Variants in ALCAM observed in about 807,000 individuals in gnomAD.
ALCAM encodes the protein activated leukocyte cell adhesion molecule.
A neutral mutation model predicts 70.9 loss-of-function variants in ALCAM; 30 were observed. The observed-to-expected ratio is 0.42, with a 90% CI of 0.32 to 0.57. The LOEUF is 0.57. ALCAM is among the 20% of genes least tolerant of loss of function. The probability of loss-of-function intolerance (pLI) is 0.11; values close to 1 mark genes in which losing one functional copy is unlikely to be tolerated. For missense variants in ALCAM, 591 were observed against 695.1 expected (o/e 0.85, Z 1.68); for synonymous variants, 249 against 242.5 (o/e 1.03, Z -0.25).
At chr3:105,383,389 G>T (rs1363053254) in intron 1 of ALCAM, among the ~76,000 whole-genome samples, 1 of 151,678 alleles carries the variant, frequency 6.6e-6, no homozygotes, top group East Asian at 1.9e-4. Flanking sequence ...GTCAAAATTA[G>T]ATTTCTTAGT....
chr3:105,493,949 GC>G (rs1452521219), intron 1 of ALCAM, among the ~76,000 whole-genome samples: 1 of 152,038 alleles, frequency 6.6e-6, no homozygotes, highest in Non-Finnish European at 1.5e-5. Flanking sequence ...ATTTTAAGTA[GC>G]TTTTCAAGCT....
intron 1 of ALCAM, among the ~76,000 whole-genome samples, chr3:105,456,997 A>G (rs563686481): frequency 6.6e-6 from 1 of 152,344 alleles, no homozygotes; most frequent in South Asian, 2.1e-4. Flanking sequence ...GATCATCATG[A>G]CTATTAATTA....
intron 14 of ALCAM, among the ~76,000 whole-genome samples, chr3:105,557,751 G>A (rs2030515): frequency 0.51 from 77,028 of 151,758 alleles, 21,091 homozygotes; most frequent in East Asian, 0.72. Flanking sequence ...AATGGTTGTC[G>A]TATTCACTAT....
intron 1 of ALCAM, among the ~76,000 whole-genome samples, chr3:105,515,236 G>T (rs1345427025): frequency 6.6e-6 from 1 of 151,930 alleles, no homozygotes. Flanking sequence ...CACTCTATCA[G>T]TAGAACTATG....
At chr3:105,571,347 A>C (rs1334120738) in intron 14 of ALCAM, among the ~76,000 whole-genome samples, 1 of 152,220 alleles carries the variant, frequency 6.6e-6, no homozygotes, top group East Asian at 1.9e-4. Flanking sequence ...GTTCTATCAT[A>C]AACTTGGTCT....
chr3:105,545,231 T>A lies in ALCAM; in HGVS notation c.1000T>A (p.Leu334Met). The A allele has an allele frequency of 6.2e-7, 1 of 1,605,288 alleles. No individual in the cohort carries two copies. Among genetic ancestry groups the A allele is most frequent in the Non-Finnish European group, 8.5e-7 (1 of 1,172,942 alleles). ...GATTTTCTGCTTCACAGATTTGGAT[T>A]TGTCCTTAAACCCAAGTGGAGAAGT... ...STAITVHYLD[L>M]SLNPSGEVTR... Residue 334 changes from leucine to methionine, a missense_variant, in exon 9 of 16, where the codon TTG becomes ATG. Transcript: ENST00000306107.
chr3:105,451,660 A>G (rs930919537), intron 1 of ALCAM, among the ~76,000 whole-genome samples: 1 of 152,246 alleles, frequency 6.6e-6, no homozygotes, highest in Non-Finnish European at 1.5e-5. Flanking sequence ...TGTTAGGAAC[A>G]TAACAATTGA....
intron 4 of ALCAM, among the ~76,000 whole-genome samples, chr3:105,533,268 G>A (rs925896864): frequency 6.6e-6 from 1 of 152,114 alleles, no homozygotes; most frequent in Non-Finnish European, 1.5e-5. Flanking sequence ...AATAGTCAGT[G>A]TTAATAGAGT....
chr3:105,457,392 G>A (rs1455349904), intron 1 of ALCAM, among the ~76,000 whole-genome samples: 1 of 151,928 alleles, frequency 6.6e-6, no homozygotes, highest in Non-Finnish European at 1.5e-5. Context: ...GAACACTCTG[G>A]GCCTATTAGA....
chr3:105,458,388 C>T (rs1325616251), intron 1 of ALCAM, among the ~76,000 whole-genome samples: 1 of 152,074 alleles, frequency 6.6e-6, no homozygotes, highest in Non-Finnish European at 1.5e-5. Flanking sequence ...CAGGCATGCA[C>T]CTGTACCTGG....
At chr3:105,490,869 G>A (rs1938564243) in intron 1 of ALCAM, among the ~76,000 whole-genome samples, 1 of 152,120 alleles carries the variant, frequency 6.6e-6, no homozygotes. Flanking sequence ...AGCTGTGGAT[G>A]GATCTACAAT....
At chr3:105,517,325 C>T (rs1161519447) in intron 1 of ALCAM, among the ~76,000 whole-genome samples, 6 of 152,052 alleles carry the variant, frequency 3.9e-5, no homozygotes, top group Non-Finnish European at 5.9e-5. Flanking sequence ...CAACTTACTG[C>T]CACTCATTCT....
intron 11 of ALCAM, among the ~76,000 whole-genome samples, chr3:105,548,508 T>C (rs1227907811): frequency 6.6e-6 from 1 of 151,422 alleles, no homozygotes; most frequent in African/African-American, 2.4e-5. Flanking sequence ...TCTCCACTCT[T>C]CCTCTTTCTA....
chr3:105,505,017 G>C (rs1378484928), intron 1 of ALCAM, among the ~76,000 whole-genome samples: 1 of 152,202 alleles, frequency 6.6e-6, no homozygotes, highest in African/African-American at 2.4e-5. Context: ...AAGTCACCTA[G>C]CTTATTAGTA....
intron 1 of ALCAM, among the ~76,000 whole-genome samples, chr3:105,393,839 A>C (rs184263001): frequency 1.3e-4 from 20 of 152,088 alleles, no homozygotes; most frequent in African/African-American, 3.6e-4. Flanking sequence ...CAGAAGAACA[A>C]AACAAATAAA....
In ALCAM at chr3:105,522,877, C is replaced by T. The variant is rs531766207; in HGVS notation, c.175-1412C>T. On this transcript the variant is annotated intron_variant, in intron 2 of 15. Coordinates refer to ENST00000306107, the MANE Select transcript of ALCAM (RefSeq NM_001627.4). ...AAAGAAGGCCGGGCACGGTGGCTCA[C>T]GCCTGTAATCCCAGCACTTTGGGAG... Among the ~76,000 whole-genome samples the T allele has an allele frequency of 5.3e-5, 8 of 152,250 alleles. No homozygotes were observed. In the East Asian group the frequency reaches 9.7e-4, roughly 18 times the overall value.
Position 105,524,309 on chromosome 3 carries a change from A to G in ALCAM, c.195A>G (p.Pro65=). ...KWKYEKPDGS[P]VFIAFRSSTK... is the part of the protein sequence containing the mutation. ...TTTAGGAAAAGCCCGATGGCTCCCC[A>G]GTATTTATTGCCTTCAGATCCTCTA... The change falls in exon 3 of 16, where the codon CCA becomes CCG. Residue 65 remains proline (P), a synonymous_variant. Coordinates refer to ENST00000306107, the MANE Select transcript of ALCAM (RefSeq NM_001627.4). The G allele has an allele frequency of 6.2e-7, 1 of 1,614,054 alleles. No homozygotes were observed. Among genetic ancestry groups the G allele is most frequent in the Middle Eastern group, 1.6e-4 (1 of 6,062 alleles).
At chr3:105,407,500 G>A (rs1365703369) in intron 1 of ALCAM, among the ~76,000 whole-genome samples, 1 of 152,030 alleles carries the variant, frequency 6.6e-6, no homozygotes, top group African/African-American at 2.4e-5. Context: ...TGCAGAAAAG[G>A]CATTTGACAA....
intron 15 of ALCAM, 35 bp downstream of exon 15, chr3:105,571,999 C>A: frequency 8.2e-7 from 1 of 1,220,426 alleles, no homozygotes; most frequent in Non-Finnish European, 1.2e-6. Flanking sequence ...AGAAATAATT[C>A]CCTAGCAAGT....
Sources: allele counts gnomAD v4.1 joint callset (sites outside exome capture counted in the v4.1 genomes callset), GRCh38; gene constraint gnomAD v4.1.1; transcripts MANE v1.5; gene names NCBI Gene and HGNC (gene_info 2026-07-23, HGNC 2026-07-21).